The following PCDHGA2 variants were observed in gnomAD, a reference collection of about 807,000 sequenced individuals.
PCDHGA2 encodes protocadherin gamma-A2.
A neutral mutation model predicts 59.2 loss-of-function variants in PCDHGA2; 40 were observed. The ratio of observed to expected loss-of-function variants is 0.68; its 90% CI spans 0.52 to 0.88. PCDHGA2 has a LOEUF of 0.88. PCDHGA2 is among the 40% of genes least tolerant of loss of function. The probability of loss-of-function intolerance (pLI) is 0.00; values close to 1 mark genes in which losing one functional copy is unlikely to be tolerated. For missense variants in PCDHGA2, 1,226 were observed against 1,204.0 expected, an observed-to-expected ratio of 1.02 and a Z score of -0.27; for synonymous variants, 560 against 526.0, an observed-to-expected ratio of 1.06 and a Z score of -0.89.
At chr5:141,384,494 T>C in intron 1 of PCDHGA2, 1 of 1,613,972 alleles carries the variant, frequency 6.2e-7, no homozygotes, top group African/African-American at 1.3e-5. Flanking sequence ...CAACTAAGAG[T>C]GACTGCACAT....
chr5:141,491,869 G>C lies in PCDHGA2; in HGVS notation c.2425-2938G>C. On this transcript the variant is annotated intron_variant, in intron 1 of 3. Transcript: ENST00000394576. This position sits in a 1 kb window ranked among gnomAD's most constrained non-coding sequence, Gnocchi z 6.9. ...GGACCGTTTGCGCGAAACCAGAGTG[G>C]CCGATTAAGGGATGGGGCTCCGAGC... The C allele has an allele frequency of 6.9e-7, 1 of 1,453,094 alleles. No homozygotes were observed. Among genetic ancestry groups the C allele is most frequent in the South Asian group, 1.5e-5 (1 of 68,080 alleles). 90.0% of individuals were successfully genotyped at this position (1,453,094 alleles called of 1,614,324 possible).
In PCDHGA2 at chr5:141,400,641, G is replaced by C. The variant is rs1427284697; in HGVS notation, c.2424+59246G>C. On this transcript the variant is annotated intron_variant, in intron 1 of 3. Coordinates refer to ENST00000394576, the MANE Select transcript of PCDHGA2 (RefSeq NM_018915.4). ...GTCTTAGGGAAGTCAGAGCTGCTCA[G>C]AAAGCTGTCCTACCATTCTTTAAGA... The C allele has an allele frequency of 9.3e-6, 12 of 1,288,952 alleles. No homozygotes were observed. The East Asian group carries it at 2.8e-4, about 30-fold the overall frequency. 79.8% of individuals were successfully genotyped at this position (1,288,952 alleles called of 1,614,324 possible). A position where few individuals can be genotyped will look rare whatever the true frequency, so the allele number is the denominator to read the frequency against.
Position 141,432,837 on chromosome 5 carries a change from T to C in PCDHGA2, c.2425-61970T>C. On this transcript the variant is annotated intron_variant, in intron 1 of 3. Transcript: ENST00000394576. This position sits in a 1 kb window ranked among gnomAD's most constrained non-coding sequence, Gnocchi z 6.0. ...GAAACCTCAGACCTCACTCTGTACC[T>C]GGTGGTAGCGGTGGCCGCGGTCTCC... The C allele has an allele frequency of 6.2e-7, 1 of 1,614,180 alleles. No individual in the cohort carries two copies. Among genetic ancestry groups the C allele is most frequent in the Non-Finnish European group, 8.5e-7 (1 of 1,180,004 alleles).
At chr5:141,410,216 C>T in intron 1 of PCDHGA2, 1 of 1,614,002 alleles carries the variant, frequency 6.2e-7, no homozygotes, top group Non-Finnish European at 8.5e-7. Flanking sequence ...GCAAGAGATA[C>T]TGCCAGACCT....
chr5:141,348,748 T>A (rs888940861), intron 1 of PCDHGA2, among the ~76,000 whole-genome samples: 1 of 152,126 alleles, frequency 6.6e-6, no homozygotes, highest in Non-Finnish European at 1.5e-5. Context: ...GTAAAAGGAA[T>A]GGAAAGTATA....
chr5:141,423,226 G>A lies in PCDHGA2; in HGVS notation c.2425-71581G>A, dbSNP rs775936938. On this transcript the variant is annotated intron_variant, in intron 1 of 3. Coordinates refer to ENST00000394576, the MANE Select transcript of PCDHGA2 (RefSeq NM_018915.4). The stretch of plus-strand genomic sequence containing the variant: ...CGTCACGCTCACCGTGGCTGTGGCC[G>A]ACAGCATCCCCGAAGTCCTGGCGGA... The A allele has an allele frequency of 2.2e-5, 36 of 1,613,708 alleles. No homozygotes were observed. The highest frequency in any genetic ancestry group is 2.6e-5 in the Non-Finnish European group (31 of 1,180,034).
chr5:141,425,695 T>C (rs1329762653), intron 1 of PCDHGA2, among the ~76,000 whole-genome samples: 1 of 152,232 alleles, frequency 6.6e-6, no homozygotes, highest in Non-Finnish European at 1.5e-5. Context: ...TATCATTTCA[T>C]AGTGGTCAAA....
At position 141,385,367 on chromosome 5, in the gene PCDHGA2, A is replaced by G. The variant is rs764038151; in HGVS notation, c.2424+43972A>G. 2.0e-5 allele frequency: 31 copies of G among 1,536,828 alleles called. 1 individual carries two copies. In the South Asian group the frequency reaches 3.9e-4, roughly 19 times the overall value. On this transcript the variant is annotated intron_variant, in intron 1 of 3. Coordinates refer to ENST00000394576, the MANE Select transcript of PCDHGA2 (RefSeq NM_018915.4). ...TTATTTCCATGAGGAATTTATTTGCATGATATTTCTCTATTATTTTGCAAA... is the reference window on the plus strand; with the variant it reads ...TTATTTCCATGAGGAATTTATTTGCGTGATATTTCTCTATTATTTTGCAAA...
chr5:141,415,755 T>G (rs753465209), intron 1 of PCDHGA2: 41 of 1,387,576 alleles, frequency 3.0e-5, no homozygotes, highest in Middle Eastern at 2.6e-4. Flanking sequence ...TTTTTTTTTT[T>G]TTTTTTTTTT....
intron 1 of PCDHGA2, among the ~76,000 whole-genome samples, chr5:141,386,853 G>C (rs932816835): frequency 2.0e-5 from 3 of 152,230 alleles, no homozygotes; most frequent in African/African-American, 4.8e-5. Context: ...ACTAAACTCA[G>C]TGAGCTATTG....
chr5:141,384,557 T>C (rs2150262452), intron 1 of PCDHGA2: 2 of 1,614,252 alleles, frequency 1.2e-6, no homozygotes, highest in Middle Eastern at 3.3e-4. Flanking sequence ...CTGTTCGTGC[T>C]GGACCAGAAT....
intron 1 of PCDHGA2, chr5:141,365,395 G>T (rs753717509): frequency 5.6e-6 from 9 of 1,613,978 alleles, no homozygotes; most frequent in Non-Finnish European, 7.6e-6. Flanking sequence ...TGACCAGTTC[G>T]ATCTCTGAAG....
At chr5:141,416,215 A>G (rs969061407) in intron 1 of PCDHGA2, 1 of 152,400 alleles carries the variant, frequency 6.6e-6, no homozygotes, top group Non-Finnish European at 1.5e-5. Flanking sequence ...ATAACAATGT[A>G]TGCTTAGATT....
intron 1 of PCDHGA2, among the ~76,000 whole-genome samples, chr5:141,434,467 T>C (rs1397980716): frequency 6.6e-6 from 1 of 152,226 alleles, no homozygotes; most frequent in Non-Finnish European, 1.5e-5. Flanking sequence ...TTTACCGGAA[T>C]GAGGGCAAGG....
intron 1 of PCDHGA2, among the ~76,000 whole-genome samples, chr5:141,367,949 A>G (rs144686232): frequency 4.9e-4 from 75 of 152,326 alleles, no homozygotes; most frequent in African/African-American, 1.7e-3. Context: ...AAAATTTTAA[A>G]TTTCATATCT....
rs141363854 is a variant in PCDHGA2, at chr5:141,371,204, T to C, written c.2424+29809T>C. 1.5e-4 allele frequency: 240 copies of C among 1,614,012 alleles called. 1 individual carries two copies. The African/African-American group carries it at 3.0e-3, about 20-fold the overall frequency. ...TAAAAGTGATGGCCATTGACATGGA[T>C]GAGGGCATCAATGCCGAAATCATCT... On this transcript the variant is annotated intron_variant, in intron 1 of 3. Coordinates refer to ENST00000394576, the MANE Select transcript of PCDHGA2 (RefSeq NM_018915.4).
Position 141,493,022 on chromosome 5 carries a change from G to C in PCDHGA2, c.2425-1785G>C, listed in dbSNP as rs1184742888. On this transcript the variant is annotated intron_variant, in intron 1 of 3. Transcript: ENST00000394576. This position sits in a 1 kb window ranked among gnomAD's most constrained non-coding sequence, Gnocchi z 4.3. Reference sequence around the variant, plus strand: ...GCTATAGGCTCTGCCAGATGCCAGGGTGCCCTTATGTGTGAGGAAACTACA... The same window carrying C: ...GCTATAGGCTCTGCCAGATGCCAGGCTGCCCTTATGTGTGAGGAAACTACA... Among the ~76,000 whole-genome samples the C allele has an allele frequency of 6.6e-6, 1 of 152,222 alleles. No individual in the cohort carries two copies. Among genetic ancestry groups the C allele is most frequent in the Non-Finnish European group, 1.5e-5 (1 of 68,040 alleles).
At chr5:141,473,966 G>A (rs1268822103) in intron 1 of PCDHGA2, among the ~76,000 whole-genome samples, 3 of 152,174 alleles carry the variant, frequency 2.0e-5, no homozygotes, top group Non-Finnish European at 4.4e-5. Context: ...CTACTTAGAA[G>A]TCTGAGGCGG....
Position 141,420,101 on chromosome 5 carries a change from T to A in PCDHGA2, c.2425-74706T>A. 5 of 1,614,046 alleles carry A rather than the reference T, an allele frequency of 3.1e-6. No homozygotes were observed. Among genetic ancestry groups the A allele is most frequent in the Non-Finnish European group, 4.2e-6 (5 of 1,179,870 alleles). ...TCCCCCCAACTACAGTGAGGGAACGTTGCCCTATGCCTATAATTTTTGTGT... is the reference window on the plus strand; with the variant it reads ...TCCCCCCAACTACAGTGAGGGAACGATGCCCTATGCCTATAATTTTTGTGT... On this transcript the variant is annotated intron_variant, in intron 1 of 3. Transcript: ENST00000394576.
Sources: gnomAD v4.1 joint callset for allele counts (sites outside exome capture counted in the v4.1 genomes callset) on GRCh38, gnomAD v4.1.1 for gene constraint, Gnocchi (gnomAD v3.1) non-coding constraint, MANE v1.5 for transcripts, NCBI Gene and HGNC (gene_info 2026-07-23, HGNC 2026-07-21) for gene names.